The following SPTLC1 variants were observed in gnomAD, a reference collection of about 807,000 sequenced individuals.
The protein encoded by SPTLC1 is serine palmitoyltransferase 1.
In SPTLC1, 55 loss-of-function variants were observed where a neutral mutation model predicts 68.9. The ratio of observed to expected loss-of-function variants is 0.80; its 90% CI spans 0.64 to 1.00. The LOEUF (loss-of-function observed/expected upper bound fraction) is 1.00. Ranked by LOEUF, SPTLC1 falls within the 50% of genes least tolerant of loss-of-function variation. The pLI is 0.00. For missense variants in SPTLC1, 449 were observed against 573.1 expected (o/e 0.78, Z 2.21); for synonymous variants, 197 against 201.6 (o/e 0.98, Z 0.19).
chr9:92,115,058 T>C (rs1836397382), intron 1 of SPTLC1: 37 of 569,458 alleles, frequency 6.5e-5, no homozygotes, highest in South Asian at 6.4e-4. Context: ...CACGTGTTCC[T>C]TTCCGGAGCT....
At chr9:92,095,278 A>G (rs368708539) in intron 3 of SPTLC1, among the ~76,000 whole-genome samples, 1 of 152,162 alleles carries the variant, frequency 6.6e-6, no homozygotes, top group East Asian at 1.9e-4. Flanking sequence ...TTGAATTCCT[A>G]TATACTATCT....
rs548652432 is a variant in SPTLC1, at chr9:92,031,397, T to C, written c.*1068A>G. 6.6e-6 allele frequency: 1 copy of C among 152,598 alleles called. No individual in the cohort carries two copies. The highest frequency in any genetic ancestry group is 2.1e-4 in the South Asian group (1 of 4,828). The allele number at this position is 152,598 out of a possible 1,614,324, so 9.5% of individuals were successfully genotyped here. Reference sequence around the variant, plus strand: ...CTACCTTTAACAAGAGAAGGAATGATGGCATAATATTTATATGCTATATTG... The same window carrying C: ...CTACCTTTAACAAGAGAAGGAATGACGGCATAATATTTATATGCTATATTG... On this transcript the variant is annotated 3_prime_UTR_variant, in exon 15 of 15. Transcript: ENST00000262554.
At chr9:92,111,539 T>C (rs1342510856) in intron 2 of SPTLC1, 1 of 152,190 alleles carries the variant, frequency 6.6e-6, no homozygotes, top group Non-Finnish European at 1.5e-5. Flanking sequence ...GCCAGCTCAG[T>C]AGTTAGGAGG....
intron 3 of SPTLC1, among the ~76,000 whole-genome samples, chr9:92,084,635 C>T (rs560334608): frequency 0.023 from 3,496 of 151,918 alleles, 54 homozygotes; most frequent in Non-Finnish European, 0.036. Flanking sequence ...CTGCTGGATT[C>T]GGTTTGCCAG....
chr9:92,074,669 C>T (rs537075212), intron 5 of SPTLC1, among the ~76,000 whole-genome samples: 1 of 152,182 alleles, frequency 6.6e-6, no homozygotes, highest in East Asian at 1.9e-4. Context: ...ACAGCATGGC[C>T]TCTTAGTCCC....
intron 6 of SPTLC1, among the ~76,000 whole-genome samples, chr9:92,066,903 C>A (rs1335380095): frequency 6.6e-6 from 1 of 151,696 alleles, no homozygotes; most frequent in Non-Finnish European, 1.5e-5. Flanking sequence ...TTGCTTGAAC[C>A]CGGGAGGCGG....
chr9:92,089,458 AATATAAC>A (rs1314418876), intron 3 of SPTLC1, among the ~76,000 whole-genome samples: 1 of 152,182 alleles, frequency 6.6e-6, no homozygotes, highest in African/African-American at 2.4e-5. Flanking sequence ...TAAATAGTCA[AATATAAC>A]TTCCAGAAAT....
At chr9:92,056,497 A>G (rs114700313) in intron 7 of SPTLC1, among the ~76,000 whole-genome samples, 1,733 of 152,236 alleles carry the variant, frequency 0.011, 40 homozygotes, top group African/African-American at 0.04. Flanking sequence ...AACTGCTGGG[A>G]TTACAGCTTT....
intron 3 of SPTLC1, among the ~76,000 whole-genome samples, chr9:92,093,552 C>G (rs78740628): frequency 0.011 from 1,730 of 152,118 alleles, 40 homozygotes; most frequent in African/African-American, 0.04. Context: ...TCAACGAAAT[C>G]AACAAACCAT....
Position 92,050,043 on chromosome 9 carries a change from C to T in SPTLC1, c.805G>A (p.Ala269Thr), listed in dbSNP as rs765980536. The change falls in exon 9 of 15, where the codon GCA becomes ACA. Residue 269 changes from alanine (A) to threonine (T), a missense_variant. Transcript: ENST00000262554. ...ELVKLKYKYK[A>T]RIFLEESLSF... ...AGGCTTTCCTCCAGGAAGATTCTTG[C>T]TTTGTATTTGTATTTTAACTTAACC... is the stretch of plus-strand genomic sequence containing the variant. 6.2e-7 allele frequency: 1 copy of T among 1,613,264 alleles called. No homozygotes were observed. The highest frequency in any genetic ancestry group is 8.5e-7 in the Non-Finnish European group (1 of 1,179,258).
intron 3 of SPTLC1, chr9:92,104,804 T>A: frequency 6.5e-7 from 1 of 1,532,674 alleles, no homozygotes; most frequent in Non-Finnish European, 8.7e-7. Flanking sequence ...TTCCTCCTGG[T>A]ACAATCCCAG....
intron 1 of SPTLC1, chr9:92,115,074 G>T: frequency 1.7e-6 from 1 of 581,380 alleles, no homozygotes; most frequent in Non-Finnish European, 3.1e-6. Context: ...GAGCTTCCAG[G>T]GGACCCGGAG....
intron 6 of SPTLC1, among the ~76,000 whole-genome samples, chr9:92,062,287 C>A (rs78295042): frequency 6.6e-6 from 1 of 152,002 alleles, no homozygotes; most frequent in Non-Finnish European, 1.5e-5. Context: ...CATTATGAAA[C>A]GCTAAAAGGG....
intron 9 of SPTLC1, 125 bp downstream of exon 9, chr9:92,049,835 A>G (rs1314828322): frequency 2.6e-6 from 2 of 770,114 alleles, no homozygotes; most frequent in Non-Finnish European, 4.7e-6. Flanking sequence ...GACAGACACC[A>G]AAGTTTCGTG....
At chr9:92,096,283 G>A (rs1835525566) in intron 3 of SPTLC1, among the ~76,000 whole-genome samples, 1 of 152,058 alleles carries the variant, frequency 6.6e-6, no homozygotes, top group Non-Finnish European at 1.5e-5. Flanking sequence ...CAGTCAAAAA[G>A]CCCACCCCAT....
rs1429250767 is a variant in SPTLC1, at chr9:92,112,505, G to T, written c.115C>A (p.Leu39Ile). The T allele has an allele frequency of 1.2e-6, 2 of 1,611,290 alleles. No homozygotes were observed. Among genetic ancestry groups the T allele is most frequent in the Non-Finnish European group, 1.7e-6 (2 of 1,179,636 alleles). Residue 39 changes from leucine (L) to isoleucine (I), a missense_variant, in exon 2 of 15, where the codon CTT (leucine) becomes ATT (isoleucine). Coordinates refer to ENST00000262554, the MANE Select transcript of SPTLC1 (RefSeq NM_006415.4). ...TGTAATTTGTAAGTCTTAGAGAAAA[G>T]AAGTCTGATTATCCAGAGGATCAGA... Reference protein sequence around the residue: ...GILILWIIRLLFSKTYKLQER... With the variant: ...GILILWIIRLIFSKTYKLQER...
chr9:92,040,703 A>G (rs1833315584), intron 12 of SPTLC1, among the ~76,000 whole-genome samples: 1 of 151,610 alleles, frequency 6.6e-6, no homozygotes, highest in Non-Finnish European at 1.5e-5. Context: ...GGTTGCAGTG[A>G]GCTGAGATCG....
At chr9:92,052,408 C>A (rs552465179) in intron 8 of SPTLC1, among the ~76,000 whole-genome samples, 6 of 152,090 alleles carry the variant, frequency 3.9e-5, no homozygotes, top group African/African-American at 1.4e-4. Flanking sequence ...TCTTCATCAA[C>A]GCATACGCAA....
At chr9:92,104,679 C>T (rs896145693) in intron 3 of SPTLC1, 22 of 1,525,790 alleles carry the variant, frequency 1.4e-5, no homozygotes, top group Middle Eastern at 2.0e-4. Context: ...AAAGAAGCAA[C>T]GGAGGTGAAA....
Sources: allele counts gnomAD v4.1 joint callset (sites outside exome capture counted in the v4.1 genomes callset), GRCh38; gene constraint gnomAD v4.1.1; transcripts MANE v1.5; gene names NCBI Gene and HGNC (gene_info 2026-07-23, HGNC 2026-07-21).